C8orf34: variants seen among roughly 807,000 people sequenced by gnomAD.
C8orf34 encodes chromosome 8 open reading frame 34.
C8orf34 carries 65 observed loss-of-function variants against 68.3 expected under a neutral mutation model. The observed-to-expected ratio is 0.95, with a 90% CI of 0.78 to 1.17. The LOEUF (loss-of-function observed/expected upper bound fraction) is 1.17, where lower values mean the gene tolerates loss of function less well. Ranked by LOEUF, C8orf34 falls within the 50% of genes most tolerant of loss-of-function variation. The pLI is 0.00. For synonymous variants in C8orf34, 244 were observed against 241.2 expected (o/e 1.01, Z -0.11); for missense variants, 664 against 655.4 (o/e 1.01, Z -0.14).
chr8:68,726,549 G>A (rs1422501177), intron 10 of C8orf34, among the ~76,000 whole-genome samples: 1 of 152,216 alleles, frequency 6.6e-6, no homozygotes. Context: ...AGCTAGATTG[G>A]AGGTAAATTT....
At chr8:68,769,413 A>T (rs969430488) in intron 10 of C8orf34, among the ~76,000 whole-genome samples, 2 of 151,460 alleles carry the variant, frequency 1.3e-5, no homozygotes, top group African/African-American at 2.4e-5. Context: ...TATTTTTTTT[A>T]AAAGGCCATT....
intron 12 of C8orf34, among the ~76,000 whole-genome samples, chr8:68,812,281 C>T (rs1474974141): frequency 6.6e-6 from 1 of 152,098 alleles, no homozygotes; most frequent in Non-Finnish European, 1.5e-5. Flanking sequence ...TTAGTAATTA[C>T]ATTAAGTATG....
Position 68,553,405 on chromosome 8 carries a change from A to AAAAAAAAAAAAAACAAAAAAAAAAC in C8orf34, c.1105+20261_1105+20262insAAAAAAAACAAAAAAAAAACAAAAA, listed in dbSNP as rs1554577324. 1.4e-5 allele frequency among the ~76,000 whole-genome samples: 2 copies of AAAAAAAAAAAAAACAAAAAAAAAAC among 141,052 alleles called. 1 individual carries two copies. Among genetic ancestry groups the AAAAAAAAAAAAAACAAAAAAAAAAC allele is most frequent in the African/African-American group, 5.7e-5 (2 of 35,146 alleles). 92.5% of individuals were successfully genotyped at this position (141,052 alleles called of 152,430 possible). ...ATCTCAAAAAAAAAAAAAAAAAAAA[A>AAAAAAAAAAAAAACAAAAAAAAAAC]AAAAACATATCCTCCACTCATTTTT... On this transcript the variant is annotated intron_variant, in intron 7 of 13. Transcript: ENST00000518698.
intron 5 of C8orf34, among the ~76,000 whole-genome samples, chr8:68,514,991 AG>A (rs1814444458): frequency 6.6e-6 from 1 of 152,240 alleles, no homozygotes; most frequent in Non-Finnish European, 1.5e-5. Context: ...GATATGAGTC[AG>A]AATGAGAAAG....
At chr8:68,434,903 G>C (rs531895046) in intron 1 of C8orf34, among the ~76,000 whole-genome samples, 4 of 151,928 alleles carry the variant, frequency 2.6e-5, no homozygotes, top group Non-Finnish European at 5.9e-5. Context: ...AAAATAATTA[G>C]CTGGGCATGG....
At chr8:68,520,617 A>AT (rs34335751) in intron 5 of C8orf34, among the ~76,000 whole-genome samples, 6,714 of 134,176 alleles carry the variant, frequency 0.05, 205 homozygotes, top group East Asian at 0.088. Context: ...CGCCCGGCTA[A>AT]TTTTTTTTTT....
At chr8:68,485,097 C>T (rs1813018595) in intron 4 of C8orf34, among the ~76,000 whole-genome samples, 4 of 152,162 alleles carry the variant, frequency 2.6e-5, no homozygotes, top group Admixed American at 2.0e-4. Context: ...CAATGTTTCT[C>T]TTCATCTCCA....
At chr8:68,667,095 G>C (rs1266272412) in intron 8 of C8orf34, among the ~76,000 whole-genome samples, 3 of 151,982 alleles carry the variant, frequency 2.0e-5, no homozygotes, top group Non-Finnish European at 4.4e-5. Flanking sequence ...GCCAAAATTT[G>C]ATTAATTTTT....
chr8:68,740,684 A>G (rs1822263421), intron 10 of C8orf34, among the ~76,000 whole-genome samples: 1 of 152,172 alleles, frequency 6.6e-6, no homozygotes. Context: ...CATGTCAGTT[A>G]CTCAAAGACC....
chr8:68,691,571 G>A (rs1820686073), intron 8 of C8orf34, among the ~76,000 whole-genome samples: 1 of 151,982 alleles, frequency 6.6e-6, no homozygotes, highest in Non-Finnish European at 1.5e-5. Flanking sequence ...AGGTAAAATT[G>A]TTTAGTTGTT....
chr8:68,656,892 A>G (rs1819525232), intron 8 of C8orf34, among the ~76,000 whole-genome samples: 1 of 152,204 alleles, frequency 6.6e-6, no homozygotes, highest in Non-Finnish European at 1.5e-5. Context: ...TAATAAAGAG[A>G]TAGAAGCTAA....
chr8:68,594,150 C>T (rs1020659927), intron 7 of C8orf34, among the ~76,000 whole-genome samples: 2 of 151,942 alleles, frequency 1.3e-5, no homozygotes, highest in African/African-American at 4.8e-5. Context: ...CTGTGCCTGT[C>T]TCTGATTGGT....
At chr8:68,810,218 G>A (rs1234941057) in intron 12 of C8orf34, among the ~76,000 whole-genome samples, 1 of 152,206 alleles carries the variant, frequency 6.6e-6, no homozygotes, top group African/African-American at 2.4e-5. Flanking sequence ...GTAGTAAGGG[G>A]TGCGTGAGTG....
In C8orf34 at chr8:68,787,428, T is replaced by G. The variant is rs767267383; in HGVS notation, c.1456-15T>G. On this transcript the variant is annotated splice_polypyrimidine_tract_variant and intron_variant, in intron 11 of 13. Transcript: ENST00000518698. ...AAAACAGAGTTTAATCTAAAATAAA[T>G]GTGTTCTTTTGCAGGATGAATCCTT... 3 of 1,589,020 alleles carry G rather than the reference T, an allele frequency of 1.9e-6. No homozygotes were observed. The highest frequency in any genetic ancestry group is 2.6e-6 in the Non-Finnish European group (3 of 1,160,324).
intron 7 of C8orf34, among the ~76,000 whole-genome samples, chr8:68,608,669 G>A (rs1817926115): frequency 6.6e-6 from 1 of 151,812 alleles, no homozygotes; most frequent in African/African-American, 2.4e-5. Context: ...GTGTTCTGTA[G>A]GCAAGGAAGG....
chr8:68,676,052 G>A (rs372880293), intron 8 of C8orf34, among the ~76,000 whole-genome samples: 18 of 152,242 alleles, frequency 1.2e-4, no homozygotes, highest in South Asian at 8.3e-4. Flanking sequence ...AAATATGCAC[G>A]CACCTGGCAT....
At chr8:68,683,389 G>C in intron 8 of C8orf34, among the ~76,000 whole-genome samples, 1 of 151,340 alleles carries the variant, frequency 6.6e-6, no homozygotes, top group East Asian at 1.9e-4. Context: ...TTCCCGTGAA[G>C]AGGAACAAAG....
intron 5 of C8orf34, among the ~76,000 whole-genome samples, chr8:68,495,112 A>G (rs1311979669): frequency 5.9e-5 from 9 of 151,604 alleles, no homozygotes; most frequent in Non-Finnish European, 1.2e-4. Flanking sequence ...CTGATGTTCT[A>G]GCTTTAGTGT....
chr8:68,330,991 C>T lies in C8orf34; in HGVS notation c.-22C>T. 3 of 1,382,652 alleles carry T rather than the reference C, an allele frequency of 2.2e-6. No individual in the cohort carries two copies. Among genetic ancestry groups the T allele is most frequent in the Non-Finnish European group, 2.8e-6 (3 of 1,076,950 alleles). 85.6% of individuals were successfully genotyped at this position (1,382,652 alleles called of 1,614,324 possible). ...CGCTGCGGAGAGCGGCGAGGGTGGG[C>T]GCGAGGCGGAGAACGCGATGAATGA... On this transcript the variant is annotated 5_prime_UTR_variant, in exon 1 of 14. Coordinates refer to ENST00000518698, the MANE Select transcript of C8orf34 (RefSeq NM_052958.4).
Sources: allele counts gnomAD v4.1 joint callset (sites outside exome capture counted in the v4.1 genomes callset), GRCh38; gene constraint gnomAD v4.1.1; transcripts MANE v1.5; gene names NCBI Gene and HGNC (gene_info 2026-07-23, HGNC 2026-07-21).